RNF145: variants seen among roughly 807,000 people sequenced by gnomAD.
The protein encoded by RNF145 is ring finger protein 145.
RNF145 carries 12 observed loss-of-function variants against 57.3 expected under a neutral mutation model. The observed-to-expected ratio is 0.21, with a 90% CI of 0.13 to 0.34. RNF145 has a LOEUF of 0.34. Among genes scored for constraint, RNF145 ranks in the 10% least tolerant of loss-of-function variants. RNF145 has a pLI of 1.00. For missense variants in RNF145, 429 were observed against 799.0 expected (o/e 0.54, Z 5.58); for synonymous variants, 262 against 288.3 (o/e 0.91, Z 0.92).
chr5:159,173,122 G>A (rs763046224), intron 6 of RNF145, among the ~76,000 whole-genome samples: 14 of 152,120 alleles, frequency 9.2e-5, no homozygotes, highest in Non-Finnish European at 1.6e-4. Flanking sequence ...ATTAAAAACC[G>A]AGTCTTAGAA....
At chr5:159,177,160 T>C (rs1159111096) in intron 4 of RNF145, among the ~76,000 whole-genome samples, 1 of 152,102 alleles carries the variant, frequency 6.6e-6, no homozygotes, top group Non-Finnish European at 1.5e-5. Flanking sequence ...TTAAACAATG[T>C]CTAATTCAGT....
chr5:159,184,408 G>A (rs1049756381), intron 3 of RNF145, among the ~76,000 whole-genome samples: 3 of 152,122 alleles, frequency 2.0e-5, no homozygotes, highest in Non-Finnish European at 4.4e-5. Context: ...CATAAGTGCT[G>A]GCACTCTGCT....
At position 159,157,592 on chromosome 5, in the gene RNF145, T is replaced by C. The variant is rs1562041265; in HGVS notation, c.*1078A>G. 6.7e-6 allele frequency: 1 copy of C among 148,780 alleles called. No homozygotes were observed. Among genetic ancestry groups the C allele is most frequent in the Non-Finnish European group, 1.5e-5 (1 of 65,498 alleles). The allele number at this position is 148,780 out of a possible 1,614,324, so 9.2% of individuals were successfully genotyped here. A position where few individuals can be genotyped will look rare whatever the true frequency, so the allele number is the denominator to read the frequency against. On this transcript the variant is annotated 3_prime_UTR_variant, in exon 11 of 11. Transcript: ENST00000424310. Reference sequence around the variant, plus strand: ...GTTTCTTTTCATATCAAAATTCCCATAAAAAATTACATTCCCCCCTCCCCA... The same window carrying C: ...GTTTCTTTTCATATCAAAATTCCCACAAAAAATTACATTCCCCCCTCCCCA...
chr5:159,188,353 C>T (rs1330053174), intron 3 of RNF145, among the ~76,000 whole-genome samples: 5 of 151,302 alleles, frequency 3.3e-5, no homozygotes, highest in African/African-American at 1.2e-4. Context: ...GAAATCGTGC[C>T]ACTGCACTCC....
At chr5:159,198,033 A>G (rs1452478120) in intron 2 of RNF145, among the ~76,000 whole-genome samples, 1 of 152,118 alleles carries the variant, frequency 6.6e-6, no homozygotes, top group East Asian at 1.9e-4. Context: ...TGAGCTTAGG[A>G]GTTCGAGACC....
chr5:159,195,482 CCT>C (rs1785428785), intron 2 of RNF145, among the ~76,000 whole-genome samples: 1 of 152,176 alleles, frequency 6.6e-6, no homozygotes, highest in African/African-American at 2.4e-5. Context: ...TACAAACCCC[CCT>C]AACTTGTTTG....
chr5:159,169,599 C>T, intron 7 of RNF145, 80 bp downstream of exon 7: 2 of 1,214,190 alleles, frequency 1.6e-6, no homozygotes, highest in Non-Finnish European at 2.2e-6. Context: ...TAAAATTCAT[C>T]AGCCAAAGAA....
chr5:159,190,088 G>A (rs1562067623), intron 3 of RNF145, among the ~76,000 whole-genome samples: 1 of 152,170 alleles, frequency 6.6e-6, no homozygotes, highest in Non-Finnish European at 1.5e-5. Flanking sequence ...CTGTCACCAG[G>A]CTGGAGTGCA....
At chr5:159,190,180 T>C (rs1019365939) in intron 3 of RNF145, among the ~76,000 whole-genome samples, 3 of 152,100 alleles carry the variant, frequency 2.0e-5, no homozygotes, top group African/African-American at 4.8e-5. Context: ...TAGCTGGGAC[T>C]AAAAGTGCAT....
intron 5 of RNF145, among the ~76,000 whole-genome samples, chr5:159,175,038 A>G (rs1784671895): frequency 6.6e-6 from 1 of 152,204 alleles, no homozygotes; most frequent in African/African-American, 2.4e-5. Context: ...TCAATGTGAT[A>G]CCAGAATGTT....
rs181798007 is a variant in RNF145 at position 159,160,013 on chromosome 5, T to C, written c.1627-978A>G. ...TTTTACTCTCATTTTCGATGTGATA[T>C]CAACAGGTAGTTCTAGCACCTCAAA... On this transcript the variant is annotated intron_variant, in intron 10 of 10. Coordinates refer to ENST00000424310, the MANE Select transcript of RNF145 (RefSeq NM_001199383.2). Among the ~76,000 whole-genome samples, 497 of 152,230 alleles carry C rather than the reference T, an allele frequency of 3.3e-3. 1 individual carries two copies. The highest frequency in any genetic ancestry group is 5.3e-3 in the Non-Finnish European group (360 of 68,000).
intron 10 of RNF145, among the ~76,000 whole-genome samples, chr5:159,159,724 T>C (rs941742158): frequency 3.9e-5 from 6 of 152,242 alleles, no homozygotes; most frequent in African/African-American, 1.4e-4. Flanking sequence ...CACTCACATT[T>C]GATAACCACT....
chr5:159,198,376 A>G (rs1300356506), intron 2 of RNF145, among the ~76,000 whole-genome samples: 1 of 152,222 alleles, frequency 6.6e-6, no homozygotes, highest in Non-Finnish European at 1.5e-5. Flanking sequence ...TGAATCTAAT[A>G]ATTTCTGCTA....
chr5:159,162,425 C>CA (rs1784249887), intron 9 of RNF145, among the ~76,000 whole-genome samples: 1 of 134,574 alleles, frequency 7.4e-6, no homozygotes, highest in Non-Finnish European at 1.6e-5. Context: ...GTAATATTTT[C>CA]TTTTTTTTTT....
chr5:159,209,098 G>A (rs1175141230), intron 1 of RNF145, 133 bp downstream of exon 1: 3 of 189,856 alleles, frequency 1.6e-5, no homozygotes, highest in Non-Finnish European at 2.9e-5. Flanking sequence ...GGGAGGTGAA[G>A]CGAGATAAAA....
chr5:159,173,648 TACTC>T (rs1282082465), intron 6 of RNF145, among the ~76,000 whole-genome samples: 2 of 152,216 alleles, frequency 1.3e-5, no homozygotes, highest in Non-Finnish European at 2.9e-5. Context: ...ACATTTTAAA[TACTC>T]AATAAATGTT....
At chr5:159,179,292 A>C (rs1784806872) in intron 4 of RNF145, among the ~76,000 whole-genome samples, 1 of 152,090 alleles carries the variant, frequency 6.6e-6, no homozygotes, top group Non-Finnish European at 1.5e-5. Context: ...CTGAAGTTCC[A>C]AAAGAATAAG....
In RNF145 at chr5:159,209,498, C is replaced by CCAGCGTCGGCGGCGG; in HGVS notation, c.-308_-307insCCGCCGCCGACGCTG. The CCAGCGTCGGCGGCGG allele has an allele frequency of 2.9e-6, 1 of 339,944 alleles. No individual in the cohort carries two copies. Among genetic ancestry groups the CCAGCGTCGGCGGCGG allele is most frequent in the Non-Finnish European group, 3.2e-6 (1 of 313,074 alleles). 21.1% of individuals were successfully genotyped at this position (339,944 alleles called of 1,614,324 possible). ...GGGCCGAGCCCCTTAGCAGCCGGCG[C>CCAGCGTCGGCGGCGG]CGGCGTCGGCGGCCATGGCCTCCTG... On this transcript the variant is annotated 5_prime_UTR_variant, in exon 1 of 11. Transcript: ENST00000424310.
chr5:159,205,705 AG>A (rs1785855153), intron 1 of RNF145, among the ~76,000 whole-genome samples: 1 of 152,214 alleles, frequency 6.6e-6, no homozygotes, highest in Non-Finnish European at 1.5e-5. Context: ...GCCATCGAAA[AG>A]TAACTATTTT....
Sources: gnomAD v4.1 joint callset for allele counts (sites outside exome capture counted in the v4.1 genomes callset) on GRCh38, gnomAD v4.1.1 for gene constraint, MANE v1.5 for transcripts, NCBI Gene and HGNC (gene_info 2026-07-23, HGNC 2026-07-21) for gene names.